The following FAM135B variants were observed in gnomAD, a reference collection of about 807,000 sequenced individuals.
The protein encoded by FAM135B is protein FAM135B.
FAM135B carries 43 observed loss-of-function variants against 127.7 expected under a neutral mutation model. That is an observed-to-expected ratio of 0.34 (90% confidence interval 0.26 to 0.43). FAM135B has a LOEUF of 0.43. Among genes scored for constraint, FAM135B ranks in the 20% least tolerant of loss-of-function variants. FAM135B has a pLI of 1.00. For missense variants in FAM135B, 1,558 were observed against 1,725.6 expected, an observed-to-expected ratio of 0.90 and a Z score of 1.72; for synonymous variants, 670 against 665.1, an observed-to-expected ratio of 1.01 and a Z score of -0.11.
rs778792468 is a variant in FAM135B, at chr8:138,132,557, C to A, written c.*36G>T. 1 of 1,547,428 alleles carries A rather than the reference C, an allele frequency of 6.5e-7. No individual in the cohort carries two copies. Among genetic ancestry groups the A allele is most frequent in the South Asian group, 1.1e-5 (1 of 89,554 alleles). ...GTCTCAGCTAAAGCTCTCCACCGAT[C>A]GTAAGCATTACCAAAGACCTGCTCC... On this transcript the variant is annotated 3_prime_UTR_variant, in exon 20 of 20. Coordinates refer to ENST00000395297, the MANE Select transcript of FAM135B (RefSeq NM_015912.4). This position sits in a 1 kb window ranked among gnomAD's most constrained non-coding sequence, Gnocchi z 4.5.
intron 7 of FAM135B, among the ~76,000 whole-genome samples, chr8:138,221,522 G>A (rs1229785569): frequency 6.6e-6 from 1 of 152,216 alleles, no homozygotes; most frequent in East Asian, 1.9e-4. Flanking sequence ...TGAGAAGACA[G>A]AATGCAAATT....
chr8:138,199,516 G>T (rs1816936875), intron 7 of FAM135B, among the ~76,000 whole-genome samples: 1 of 152,186 alleles, frequency 6.6e-6, no homozygotes, highest in African/African-American at 2.4e-5. Context: ...CCCGGCCTTG[G>T]GGCAAGGACC....
Position 138,242,824 on chromosome 8 carries a change from G to A in FAM135B, c.669+118C>T, listed in dbSNP as rs1586864115. ...GGGTGGGAAGATGGTGAAAGGAAGG[G>A]TCAAATTAGCAAAAATCTCTGAAGG... On this transcript the variant is annotated intron_variant, in intron 7 of 19. Coordinates refer to ENST00000395297, the MANE Select transcript of FAM135B (RefSeq NM_015912.4). The surrounding 1 kb of genome is among the most constrained non-coding windows in gnomAD (Gnocchi z 9.6). 7.3e-7 allele frequency: 1 copy of A among 1,371,442 alleles called. No individual in the cohort carries two copies. The highest frequency in any genetic ancestry group is 9.8e-7 in the Non-Finnish European group (1 of 1,025,198). 85.0% of individuals were successfully genotyped at this position (1,371,442 alleles called of 1,614,324 possible).
At position 138,151,568 on chromosome 8, in the gene FAM135B, A is replaced by G. The variant is rs1448060687; in HGVS notation, c.2907T>C (p.Asn969=). The change falls in exon 13 of 20, where the codon AAT becomes AAC. Residue 969 remains asparagine (N), a synonymous_variant. Coordinates refer to ENST00000395297, the MANE Select transcript of FAM135B (RefSeq NM_015912.4). The part of the protein sequence containing the change: ...SPCIMDDTAF[N]RGVNAFPEAK... ...CCTCCGGGAAGGCATTCACTCCTCT[A>G]TTAAATGCTGTGTCATCCATAATGC... is the stretch of plus-strand genomic sequence containing the variant. The G allele has an allele frequency of 2.5e-6, 4 of 1,614,188 alleles. No homozygotes were observed. Among genetic ancestry groups the G allele is most frequent in the East Asian group, 2.2e-5 (1 of 44,876 alleles).
Position 138,242,684 on chromosome 8 carries a change from A to G in FAM135B, c.669+258T>C, listed in dbSNP as rs915309897. Among the ~76,000 whole-genome samples the G allele has an allele frequency of 2.6e-5, 4 of 152,272 alleles. No homozygotes were observed. The highest frequency in any genetic ancestry group is 1.9e-4 in the East Asian group (1 of 5,176). ...AGCCTCCTGACCTACAGAGAACCAT[A>G]TTCTTCCAAGAGACCACATATAACA... On this transcript the variant is annotated intron_variant, in intron 7 of 19. Coordinates refer to ENST00000395297, the MANE Select transcript of FAM135B (RefSeq NM_015912.4). The surrounding 1 kb of genome is among the most constrained non-coding windows in gnomAD (Gnocchi z 9.6).
intron 2 of FAM135B, among the ~76,000 whole-genome samples, chr8:138,330,137 C>T (rs553391931): frequency 1.2e-4 from 18 of 152,108 alleles, no homozygotes; most frequent in Non-Finnish European, 1.6e-4. Context: ...AATGCCCAGG[C>T]GGCTGCTCTT....
chr8:138,274,932 T>C (rs919390531), intron 3 of FAM135B, among the ~76,000 whole-genome samples: 1 of 151,964 alleles, frequency 6.6e-6, no homozygotes, highest in African/African-American at 2.4e-5. Context: ...ACACACGATG[T>C]ACAATTTGTG....
At chr8:138,300,806 A>C (rs372541629) in intron 3 of FAM135B, among the ~76,000 whole-genome samples, 2 of 137,918 alleles carry the variant, frequency 1.5e-5, no homozygotes, top group African/African-American at 5.5e-5. Context: ...GCTAGAGTGC[A>C]GTGGCACTTT....
chr8:138,397,442 G>A (rs1013619969), intron 1 of FAM135B, among the ~76,000 whole-genome samples: 5 of 152,172 alleles, frequency 3.3e-5, no homozygotes, highest in Admixed American at 6.5e-5. Context: ...ATACAACATC[G>A]TGAATGCGTT....
In FAM135B at chr8:138,484,689, T is replaced by C. The variant is rs375010494; in HGVS notation, c.-20+11982A>G. 1.2e-4 allele frequency among the ~76,000 whole-genome samples: 18 copies of C among 152,276 alleles called. No homozygotes were observed. In the East Asian group the frequency reaches 2.1e-3, roughly 18 times the overall value. ...ATCTGTCGCTGAAAAATGGTTTTAT[T>C]ATCATTCTTTTTCTCCAACATCCAC... is the stretch of plus-strand genomic sequence containing the variant. On this transcript the variant is annotated intron_variant, in intron 1 of 19. Coordinates refer to ENST00000395297, the MANE Select transcript of FAM135B (RefSeq NM_015912.4).
intron 9 of FAM135B, among the ~76,000 whole-genome samples, chr8:138,184,165 G>A (rs563446544): frequency 3.3e-5 from 5 of 152,318 alleles, no homozygotes; most frequent in African/African-American, 1.2e-4. Context: ...GGTGAGATGG[G>A]ATAGCCCGGG....
intron 1 of FAM135B, among the ~76,000 whole-genome samples, chr8:138,426,551 TAC>T (rs1834902204): frequency 6.6e-6 from 1 of 151,188 alleles, no homozygotes; most frequent in South Asian, 2.1e-4. Flanking sequence ...TGTATATATA[TAC>T]ATTAAAAGAC....
chr8:138,442,877 A>G (rs1519386), intron 1 of FAM135B, among the ~76,000 whole-genome samples: 91,388 of 151,916 alleles, frequency 0.6, 28,978 homozygotes, highest in African/African-American at 0.81. Flanking sequence ...GAAATGGATC[A>G]ATTTTAATGC....
chr8:138,478,185 G>T (rs894670331), intron 1 of FAM135B, among the ~76,000 whole-genome samples: 1 of 152,102 alleles, frequency 6.6e-6, no homozygotes, highest in Non-Finnish European at 1.5e-5. Context: ...CTCAGGGTCT[G>T]TGTACCTTAT....
At chr8:138,333,524 T>C (rs1563908149) in intron 2 of FAM135B, among the ~76,000 whole-genome samples, 1 of 152,126 alleles carries the variant, frequency 6.6e-6, no homozygotes, top group East Asian at 1.9e-4. Context: ...CCATCCTCTG[T>C]TGTCTAAGGG....
At chr8:138,170,012 T>C (rs548957329) in intron 11 of FAM135B, among the ~76,000 whole-genome samples, 4 of 152,274 alleles carry the variant, frequency 2.6e-5, no homozygotes, top group Admixed American at 2.0e-4. Context: ...TGCAGGAAAC[T>C]GAGGAGTCTG....
intron 1 of FAM135B, among the ~76,000 whole-genome samples, chr8:138,416,966 C>CTAG (rs1459548976): frequency 6.6e-6 from 1 of 152,128 alleles, no homozygotes; most frequent in Non-Finnish European, 1.5e-5. Flanking sequence ...CTCCAGAATC[C>CTAG]TAGCTTCAGG....
At chr8:138,246,763 C>T (rs565831433) in intron 6 of FAM135B, among the ~76,000 whole-genome samples, 1 of 152,250 alleles carries the variant, frequency 6.6e-6, no homozygotes, top group East Asian at 1.9e-4. Flanking sequence ...ATGGTAGATC[C>T]ACCAATAGCT....
intron 3 of FAM135B, among the ~76,000 whole-genome samples, chr8:138,285,971 T>C (rs1824651256): frequency 6.6e-6 from 1 of 152,198 alleles, no homozygotes. Context: ...CACCAGGCAC[T>C]AGAGTTATGG....
Sources: gnomAD v4.1 joint callset for allele counts (sites outside exome capture counted in the v4.1 genomes callset) on GRCh38, gnomAD v4.1.1 for gene constraint, Gnocchi (gnomAD v3.1) non-coding constraint, MANE v1.5 for transcripts, NCBI Gene and HGNC (gene_info 2026-07-23, HGNC 2026-07-21) for gene names.